SLC12A5: variants seen among roughly 807,000 people sequenced by gnomAD.
SLC12A5 encodes K-Cl cotransporter 2.
Under a neutral mutation model 124.0 loss-of-function variants are expected in SLC12A5, and 18 were observed. The ratio of observed to expected loss-of-function variants is 0.15; its 90% confidence interval spans 0.10 to 0.22. The LOEUF (loss-of-function observed/expected upper bound fraction) is 0.22, where lower values mean the gene tolerates loss of function less well. Among genes scored for constraint, SLC12A5 ranks in the 10% least tolerant of loss-of-function variants. The pLI, the probability that SLC12A5 is intolerant of heterozygous loss-of-function variation, is 1.00. For missense variants in SLC12A5, 867 were observed against 1,478.7 expected, an observed-to-expected ratio of 0.59 and a Z score of 6.78; for synonymous variants, 589 against 568.0, an observed-to-expected ratio of 1.04 and a Z score of -0.53.
chr20:46,041,071 G>A, intron 7 of SLC12A5: 1 of 434,638 alleles, frequency 2.3e-6, no homozygotes, highest in East Asian at 4.8e-5. Context: ...GGCGGCCCCC[G>A]AGACCGCTGT....
In SLC12A5 at chr20:46,053,743, C is replaced by T; in HGVS notation, c.2679+34C>T. On this transcript the variant is annotated intron_variant, in intron 20 of 25. Transcript: ENST00000243964. The surrounding 1 kb of genome is among the most constrained non-coding windows in gnomAD (Gnocchi z 4.7). ...CCAGGAGACACCGCTGGGGTTCCAC[C>T]TGGCCCTCTTTCCTCTTGGCCCCAG... 6.5e-7 allele frequency: 1 copy of T among 1,530,938 alleles called. No individual in the cohort carries two copies. The highest frequency in any genetic ancestry group is 8.8e-7 in the Non-Finnish European group (1 of 1,135,126). 94.8% of individuals were successfully genotyped at this position (1,530,938 alleles called of 1,614,324 possible). A position where few individuals can be genotyped will look rare whatever the true frequency, so the allele number is the denominator to read the frequency against.
At chr20:46,046,545 A>G (rs1365342003) in intron 14 of SLC12A5, 109 bp downstream of exon 14, 3 of 891,922 alleles carry the variant, frequency 3.4e-6, no homozygotes, top group Non-Finnish European at 5.3e-6. Context: ...AAACCTGAAG[A>G]GGACATCCTT....
At chr20:46,027,741 A>G (rs982372510), upstream of SLC12A5, 2 of 152,236 alleles carry the variant, frequency 1.3e-5, no homozygotes, top group Non-Finnish European at 2.9e-5. Context: ...GACGACTTTT[A>G]TAAGTTCTAT....
rs1379475207 is a variant in SLC12A5 at position 46,059,260 on chromosome 20, T to A, written c.*1655T>A. 6.8e-5 allele frequency: 20 copies of A among 293,114 alleles called. No individual in the cohort carries two copies. Among genetic ancestry groups the A allele is most frequent in the Non-Finnish European group, 1.1e-4 (17 of 159,866 alleles). The allele number at this position is 293,114 out of a possible 1,614,324, so 18.2% of individuals were successfully genotyped here. A position where few individuals can be genotyped will look rare whatever the true frequency, so the allele number is the denominator to read the frequency against. On this transcript the variant is annotated 3_prime_UTR_variant, in exon 26 of 26. Coordinates refer to ENST00000243964, the MANE Select transcript of SLC12A5 (RefSeq NM_020708.5). ...CTGGCGCCACTGAGTAATCCGGACC[T>A]CACCACCTCTTTTCCTTTGAGCCCA...
At chr20:46,040,266 G>A in intron 6 of SLC12A5, 107 bp from the exon 7 acceptor site, 1 of 1,503,076 alleles carries the variant, frequency 6.7e-7, no homozygotes, top group Non-Finnish European at 9.0e-7. Flanking sequence ...TTCCAGTCTG[G>A]TACCACTGTG....
In SLC12A5 at chr20:46,043,701, A is replaced by G. The variant is rs140326431; in HGVS notation, c.1306A>G (p.Ile436Val). Residue 436 changes from isoleucine to valine, a missense_variant, in exon 10 of 26, where the codon ATC (isoleucine) becomes GTC (valine). Coordinates refer to ENST00000243964, the MANE Select transcript of SLC12A5 (RefSeq NM_020708.5). ...CCAGAAGTCAATCCCCACTGGCACC[A>G]TCCTGGCCATCGCCACCACCTCTGC... ...DAQKSIPTGT[I>V]LAIATTSAVY... The G allele has an allele frequency of 3.5e-5, 56 of 1,614,070 alleles. No individual in the cohort carries two copies. Among genetic ancestry groups the G allele is most frequent in the Non-Finnish European group, 4.3e-5 (51 of 1,180,044 alleles).
In SLC12A5 at chr20:46,053,068, G is replaced by A; in HGVS notation, c.2489G>A (p.Trp830Ter). 6.2e-7 allele frequency: 1 copy of A among 1,614,210 alleles called. No individual in the cohort carries two copies. The highest frequency in any genetic ancestry group is 1.7e-5 in the Admixed American group (1 of 60,032). ...TCTGAGGGCAGCATCGACGTTTGGT[G>A]GATTGTGCACGATGGAGGCATGCTC... Reference protein sequence around the residue: ...RFSEGSIDVWWIVHDGGMLML... With the variant: ...RFSEGSIDVW Residue 830 changes from tryptophan (W) to a stop codon, truncating the protein, a stop_gained, in exon 19 of 26, where the codon TGG becomes TAG. Transcript: ENST00000243964. LOFTEE classifies it high-confidence loss of function. This position sits in a 1 kb window ranked among gnomAD's most constrained non-coding sequence, Gnocchi z 4.7.
chr20:46,056,584 G>A lies in SLC12A5; in HGVS notation c.3110+20G>A, dbSNP rs963783022. On this transcript the variant is annotated intron_variant, in intron 23 of 25. Coordinates refer to ENST00000243964, the MANE Select transcript of SLC12A5 (RefSeq NM_020708.5). The surrounding 1 kb of genome is among the most constrained non-coding windows in gnomAD (Gnocchi z 4.3). ...GAAGCCGTACGGGCCTGGGGGCTAA[G>A]GGCTGGGGGCTGGGGTGAGCTAAAG... 6.2e-7 allele frequency: 1 copy of A among 1,603,324 alleles called. No homozygotes were observed. The highest frequency in any genetic ancestry group is 8.5e-7 in the Non-Finnish European group (1 of 1,174,424).
Position 46,058,955 on chromosome 20 carries a change from G to A in SLC12A5, c.*1350G>A, listed in dbSNP as rs2084724591. On this transcript the variant is annotated 3_prime_UTR_variant, in exon 26 of 26. Coordinates refer to ENST00000243964, the MANE Select transcript of SLC12A5 (RefSeq NM_020708.5). The surrounding 1 kb of genome is among the most constrained non-coding windows in gnomAD (Gnocchi z 5.8). ...GCCTGAGGGAGGGCTGGAGTCGCACGCGCTTTGTCCTTAGCGCCTGTCTGC... is the reference window on the plus strand; with the variant it reads ...GCCTGAGGGAGGGCTGGAGTCGCACACGCTTTGTCCTTAGCGCCTGTCTGC... 5.2e-6 allele frequency: 2 copies of A among 387,888 alleles called. No homozygotes were observed. The highest frequency in any genetic ancestry group is 9.1e-6 in the Non-Finnish European group (2 of 219,912). The allele number at this position is 387,888 out of a possible 1,614,324, so 24.0% of individuals were successfully genotyped here.
At chr20:46,043,962 G>T (rs777658264) in intron 11 of SLC12A5, 29 bp downstream of exon 11, 2 of 1,567,238 alleles carry the variant, frequency 1.3e-6, no homozygotes, top group African/African-American at 2.7e-5. Context: ...ATCCTATTCT[G>T]GGGGAGGGGT....
upstream of SLC12A5, among the ~76,000 whole-genome samples, chr20:46,025,417 G>A (rs560263005): frequency 6.6e-6 from 1 of 152,224 alleles, no homozygotes; most frequent in East Asian, 1.9e-4. Context: ...CAACAAACTG[G>A]TTATGAACGG....
In SLC12A5 at chr20:46,056,673, C is replaced by T. The variant is rs890700225; in HGVS notation, c.3110+109C>T. On this transcript the variant is annotated intron_variant, in intron 23 of 25. Transcript: ENST00000243964. The surrounding 1 kb of genome is among the most constrained non-coding windows in gnomAD (Gnocchi z 4.3). ...ATCCTGGTCTGTCAGCCTGCAGACC[C>T]AGCTCAGACATTGTCTTGGTTTCTC... is the stretch of plus-strand genomic sequence containing the variant. The T allele has an allele frequency of 1.2e-5, 15 of 1,234,488 alleles. No individual in the cohort carries two copies. In the African/African-American group the frequency reaches 1.5e-4, roughly 12 times the overall value. 76.5% of individuals were successfully genotyped at this position (1,234,488 alleles called of 1,614,324 possible).
chr20:46,054,824 C>A, intron 20 of SLC12A5, 92 bp from the exon 21 acceptor site: 1 of 861,048 alleles, frequency 1.2e-6, no homozygotes, highest in Non-Finnish European at 1.9e-6. Flanking sequence ...GGCCTTCCTT[C>A]CTTCCCTTGG....
chr20:46,029,032 A>C, upstream of SLC12A5: 1 of 855,462 alleles, frequency 1.2e-6, no homozygotes, highest in Non-Finnish European at 1.5e-6. Flanking sequence ...GGGGGCCACT[A>C]GTCGGGCTCT....
chr20:46,043,771 G>A, intron 10 of SLC12A5, 40 bp downstream of exon 10: 1 of 1,613,458 alleles, frequency 6.2e-7, no homozygotes, highest in South Asian at 1.1e-5. Context: ...CTCGGGGGAG[G>A]GCAAGAGGGA....
Position 46,043,219 on chromosome 20 carries a change from G to A in SLC12A5, c.1133G>A (p.Gly378Asp), listed in dbSNP as rs1410919515. The A allele has an allele frequency of 3.1e-6, 5 of 1,613,868 alleles. No homozygotes were observed. The South Asian group carries it at 4.4e-5, about 14-fold the overall frequency. ...GAGAGGAGTGGGATGACCTCGGTGG[G>A]CCTGGCCGATGGCACTCCTATCGAC... The part of the protein sequence containing the change: ...IVERSGMTSV[G>D]LADGTPIDMD... The change falls in exon 9 of 26, where the codon GGC becomes GAC. Residue 378 changes from glycine (G) to aspartate (D), a missense_variant. This residue lies in a region of SLC12A5 where 127 missense variants were observed against 164.1 expected (regional missense o/e 0.77). Coordinates refer to ENST00000243964, the MANE Select transcript of SLC12A5 (RefSeq NM_020708.5).
intron 20 of SLC12A5, among the ~76,000 whole-genome samples, chr20:46,054,611 C>T (rs758005426): frequency 5.9e-5 from 9 of 152,142 alleles, no homozygotes; most frequent in African/African-American, 9.7e-5. Context: ...TTCTTCTTTC[C>T]CTTCTCCATT....
chr20:46,034,537 G>T (rs563597255), intron 1 of SLC12A5, among the ~76,000 whole-genome samples: 1 of 152,270 alleles, frequency 6.6e-6, no homozygotes, highest in Non-Finnish European at 1.5e-5. Context: ...TGTCAGAGGG[G>T]GTCACTTCTT....
upstream of SLC12A5, chr20:46,021,742 G>A: frequency 6.5e-7 from 1 of 1,533,526 alleles, no homozygotes; most frequent in African/African-American, 1.4e-5. Flanking sequence ...ACCTTGCCGC[G>A]GCCGCCTGGC....
Sources: gnomAD v4.1 joint callset for allele counts (sites outside exome capture counted in the v4.1 genomes callset) on GRCh38, gnomAD v4.1.1 for gene constraint, gnomAD v4.1.1 regional missense constraint, Gnocchi (gnomAD v3.1) non-coding constraint, MANE v1.5 for transcripts, NCBI Gene and HGNC (gene_info 2026-07-23, HGNC 2026-07-21) for gene names.